The following SRRM4 variants were observed in gnomAD, a reference collection of about 807,000 sequenced individuals.
SRRM4 encodes serine/arginine repetitive matrix 4.
Under a neutral mutation model 68.9 loss-of-function variants are expected in SRRM4, and 33 were observed. That is an observed-to-expected ratio of 0.48 (90% CI 0.36 to 0.64). The LOEUF is 0.64. Ranked by LOEUF, SRRM4 falls within the 30% of genes least tolerant of loss-of-function variation. The pLI is 0.00. For missense variants in SRRM4, 817 were observed against 827.1 expected, an observed-to-expected ratio of 0.99 and a Z score of 0.15; for synonymous variants, 318 against 318.8, an observed-to-expected ratio of 1.00 and a Z score of 0.03.
chr12:119,110,320 CTG>C (rs1283835135), intron 2 of SRRM4, among the ~76,000 whole-genome samples: 2 of 152,314 alleles, frequency 1.3e-5, no homozygotes, highest in Admixed American at 1.3e-4. Flanking sequence ...ATCTCAAACT[CTG>C]TGCTGGGAGA....
chr12:119,050,902 C>A (rs868008582), intron 1 of SRRM4, among the ~76,000 whole-genome samples: 1 of 152,084 alleles, frequency 6.6e-6, no homozygotes, highest in African/African-American at 2.4e-5. Flanking sequence ...TTTTCTAAGT[C>A]ACCCTAGCCA....
chr12:119,033,676 A>T (rs1953608062), intron 1 of SRRM4, among the ~76,000 whole-genome samples: 1 of 151,960 alleles, frequency 6.6e-6, no homozygotes. Flanking sequence ...AAAAAAAAAA[A>T]ATACTTTTCT....
intron 1 of SRRM4, among the ~76,000 whole-genome samples, chr12:119,019,790 T>C (rs1953503049): frequency 6.6e-6 from 1 of 152,020 alleles, no homozygotes; most frequent in Admixed American, 6.5e-5. Flanking sequence ...ATTGATCACT[T>C]GAGAGGTAGA....
At chr12:119,102,491 A>G in intron 2 of SRRM4, 109 bp downstream of exon 2, 1 of 816,660 alleles carries the variant, frequency 1.2e-6, no homozygotes, top group Non-Finnish European at 1.9e-6. Context: ...CCCTTAAATC[A>G]AGGGTTAGTA....
intron 1 of SRRM4, among the ~76,000 whole-genome samples, chr12:119,070,209 A>G (rs1472113658): frequency 2.6e-5 from 2 of 76,934 alleles, no homozygotes; most frequent in African/African-American, 1.1e-4. Flanking sequence ...GCTTCTTCAC[A>G]CAGGTGAGAA....
chr12:119,126,147 C>T (rs898710345), intron 7 of SRRM4, among the ~76,000 whole-genome samples: 2 of 149,176 alleles, frequency 1.3e-5, no homozygotes, highest in Non-Finnish European at 1.5e-5. Context: ...CCTCAGCCTC[C>T]AGAGTAGCTG....
chr12:118,984,291 A>G (rs902046801), intron 1 of SRRM4, among the ~76,000 whole-genome samples: 10 of 152,190 alleles, frequency 6.6e-5, no homozygotes, highest in African/African-American at 2.4e-4. Flanking sequence ...TGAAAGTACC[A>G]TGTTTCCAAA....
chr12:119,079,114 G>T (rs1953933122), intron 1 of SRRM4, among the ~76,000 whole-genome samples: 1 of 152,166 alleles, frequency 6.6e-6, no homozygotes, highest in Non-Finnish European at 1.5e-5. Flanking sequence ...TTAGGGATGG[G>T]AGAGAAAGGT....
At chr12:119,110,615 C>T (rs1408630486) in intron 2 of SRRM4, among the ~76,000 whole-genome samples, 2 of 152,346 alleles carry the variant, frequency 1.3e-5, no homozygotes, top group East Asian at 1.9e-4. Context: ...GGGCATGGGA[C>T]CATCCAAGCC....
At chr12:119,071,358 C>T (rs1249889282) in intron 1 of SRRM4, among the ~76,000 whole-genome samples, 2 of 152,144 alleles carry the variant, frequency 1.3e-5, no homozygotes, top group East Asian at 1.9e-4. Context: ...CCTAGCTGTG[C>T]GATCTTGGGC....
At chr12:118,999,796 T>C (rs1384733025) in intron 1 of SRRM4, among the ~76,000 whole-genome samples, 4 of 152,206 alleles carry the variant, frequency 2.6e-5, no homozygotes, top group Admixed American at 2.6e-4. Context: ...TCTTAACCTC[T>C]ATCCTATGCT....
chr12:119,125,574 A>T, intron 7 of SRRM4, 95 bp downstream of exon 7: 1 of 1,089,834 alleles, frequency 9.2e-7, no homozygotes, highest in East Asian at 2.7e-5. Flanking sequence ...CTTCCAGCAC[A>T]GGGTTTGGCC....
chr12:119,096,402 A>T (rs1400385083), intron 1 of SRRM4, among the ~76,000 whole-genome samples: 1 of 152,114 alleles, frequency 6.6e-6, no homozygotes, highest in African/African-American at 2.4e-5. Context: ...TCAGGGTCTC[A>T]GTTTGTTCTT....
At chr12:119,125,353 C>G in intron 6 of SRRM4, 28 bp from the exon 7 acceptor site, 1 of 1,600,766 alleles carries the variant, frequency 6.2e-7, no homozygotes, top group Non-Finnish European at 8.6e-7. Context: ...CTCCTCTCCT[C>G]TGACTCGTTC....
intron 1 of SRRM4, among the ~76,000 whole-genome samples, chr12:119,051,482 A>AT (rs930531404): frequency 1.3e-5 from 2 of 152,114 alleles, no homozygotes; most frequent in Non-Finnish European, 2.9e-5. Context: ...GTTAAGGAAG[A>AT]TTTTTTCCAA....
At chr12:119,033,045 T>A (rs183950614) in intron 1 of SRRM4, among the ~76,000 whole-genome samples, 2 of 152,196 alleles carry the variant, frequency 1.3e-5, no homozygotes, top group African/African-American at 4.8e-5. Flanking sequence ...TATTGTTGAC[T>A]TTTTTCAAGA....
chr12:119,036,530 T>C (rs1294211045), intron 1 of SRRM4, among the ~76,000 whole-genome samples: 2 of 152,140 alleles, frequency 1.3e-5, no homozygotes, highest in Non-Finnish European at 2.9e-5. Context: ...AAACAGAGTG[T>C]CTTGAGGTTG....
At chr12:119,041,689 G>A (rs924258530) in intron 1 of SRRM4, among the ~76,000 whole-genome samples, 2 of 152,216 alleles carry the variant, frequency 1.3e-5, no homozygotes, top group Non-Finnish European at 2.9e-5. Context: ...GAGAACTGCT[G>A]TGGACTGGGT....
intron 8 of SRRM4, among the ~76,000 whole-genome samples, chr12:119,143,239 A>T: frequency 6.6e-6 from 1 of 152,236 alleles, no homozygotes; most frequent in East Asian, 1.9e-4. Context: ...CTCATGACCA[A>T]TTGCTGAGAA....
Sources: allele counts gnomAD v4.1 joint callset (sites outside exome capture counted in the v4.1 genomes callset), GRCh38; gene constraint gnomAD v4.1.1; transcripts MANE v1.5; gene names NCBI Gene and HGNC (gene_info 2026-07-23, HGNC 2026-07-21).